Variants in ZNF704 observed in about 807,000 individuals in gnomAD.
ZNF704 encodes the protein zinc finger protein 704, also known as glucocorticoid induced gene 1.
A neutral mutation model predicts 44.7 loss-of-function variants in ZNF704; 10 were observed. The observed-to-expected ratio is 0.22, with a 90% CI of 0.14 to 0.38. ZNF704 has a LOEUF of 0.38. Ranked by LOEUF, ZNF704 falls within the 10% of genes least tolerant of loss-of-function variation. ZNF704 has a pLI of 1.00. For missense variants in ZNF704, 390 were observed against 545.5 expected (o/e 0.71, Z 2.84); for synonymous variants, 211 against 207.6 (o/e 1.02, Z -0.14).
intron 2 of ZNF704, among the ~76,000 whole-genome samples, chr8:80,701,407 C>T (rs77470009): frequency 0.016 from 2,489 of 151,920 alleles, 76 homozygotes; most frequent in African/African-American, 0.057. Context: ...AGAATTGAGG[C>T]CTCTAGGCAA....
intron 1 of ZNF704, among the ~76,000 whole-genome samples, chr8:80,864,104 A>G (rs1409154065): frequency 6.6e-6 from 1 of 152,222 alleles, no homozygotes; most frequent in Non-Finnish European, 1.5e-5. Flanking sequence ...AAAATTTACC[A>G]CAGGAAATAC....
chr8:80,832,176 A>G (rs1190402649), intron 1 of ZNF704, among the ~76,000 whole-genome samples: 1 of 152,210 alleles, frequency 6.6e-6, no homozygotes, highest in Non-Finnish European at 1.5e-5. Flanking sequence ...GAAGATAAAC[A>G]GTGTATATAT....
intron 2 of ZNF704, among the ~76,000 whole-genome samples, chr8:80,713,173 C>T (rs142741815): frequency 3.9e-5 from 6 of 152,222 alleles, no homozygotes; most frequent in East Asian, 1.9e-4. Context: ...AATTAAATGA[C>T]GTTAAAAAGA....
At chr8:80,769,227 T>A (rs745794256) in intron 2 of ZNF704, among the ~76,000 whole-genome samples, 1 of 152,222 alleles carries the variant, frequency 6.6e-6, no homozygotes, top group Non-Finnish European at 1.5e-5. Context: ...TTGGTGATTC[T>A]GCAGAGGCCC....
intron 2 of ZNF704, among the ~76,000 whole-genome samples, chr8:80,747,645 C>T (rs934783017): frequency 2.6e-5 from 4 of 151,948 alleles, no homozygotes; most frequent in Non-Finnish European, 5.9e-5. Context: ...ATTGCATCAG[C>T]AATTATGATG....
intron 1 of ZNF704, among the ~76,000 whole-genome samples, chr8:80,840,986 C>T (rs1808668500): frequency 6.6e-6 from 1 of 152,138 alleles, no homozygotes; most frequent in South Asian, 2.1e-4. Context: ...CTCCTAGAAG[C>T]CTGGAGAATC....
At chr8:80,878,089 G>T (rs1809379499), upstream of ZNF704, among the ~76,000 whole-genome samples, 1 of 152,176 alleles carries the variant, frequency 6.6e-6, no homozygotes, top group Non-Finnish European at 1.5e-5. Context: ...TGCTGCGGAA[G>T]AACGAGAGTA....
At chr8:80,824,896 G>C (rs964037467) in intron 1 of ZNF704, among the ~76,000 whole-genome samples, 3 of 152,112 alleles carry the variant, frequency 2.0e-5, no homozygotes, top group Non-Finnish European at 4.4e-5. Flanking sequence ...TCACCACCAG[G>C]CCTGCCCTAA....
chr8:80,868,012 C>T (rs750428872), intron 1 of ZNF704, among the ~76,000 whole-genome samples: 4 of 152,208 alleles, frequency 2.6e-5, no homozygotes, highest in Non-Finnish European at 5.9e-5. Flanking sequence ...GTTCTTATCC[C>T]TAAACTGTTG....
intron 2 of ZNF704, among the ~76,000 whole-genome samples, chr8:80,727,578 G>A (rs970053464): frequency 2.0e-5 from 3 of 152,000 alleles, no homozygotes; most frequent in Non-Finnish European, 4.4e-5. Flanking sequence ...CTTGTTTGGC[G>A]CAGGCAGGCA....
At chr8:80,725,844 T>TAA (rs1461511420) in intron 2 of ZNF704, among the ~76,000 whole-genome samples, 1 of 152,150 alleles carries the variant, frequency 6.6e-6, no homozygotes, top group Non-Finnish European at 1.5e-5. Flanking sequence ...TTCTAAAAAT[T>TAA]AAATATATAC....
intron 2 of ZNF704, among the ~76,000 whole-genome samples, chr8:80,777,989 G>A (rs1586020306): frequency 6.6e-6 from 1 of 151,334 alleles, no homozygotes; most frequent in Non-Finnish European, 1.5e-5. Context: ...TAACCACAAC[G>A]CCATTACTGT....
At chr8:80,678,968 C>T (rs1407389736) in intron 4 of ZNF704, among the ~76,000 whole-genome samples, 1 of 152,090 alleles carries the variant, frequency 6.6e-6, no homozygotes, top group East Asian at 1.9e-4. Context: ...TTCTGCCTGG[C>T]CACAGGTGGG....
At position 80,641,448 on chromosome 8, in the gene ZNF704, C is replaced by T. The variant is rs752885224; in HGVS notation, c.1157G>A (p.Arg386Gln). The T allele has an allele frequency of 1.9e-6, 3 of 1,613,508 alleles. No individual in the cohort carries two copies. Among genetic ancestry groups the T allele is most frequent in the East Asian group, 2.2e-5 (1 of 44,832 alleles). ...RKPRGEGKKCRKVYGMENRDM... is the reference protein window; with the variant it reads ...RKPRGEGKKCQKVYGMENRDM... ...TCGGTTCTCCATCCCGTACACCTTC[C>T]GACACTTTTTGCCCTCTCCCCTGGG... Residue 386 changes from arginine (R) to glutamine (Q), a missense_variant, in exon 9 of 9, where the codon CGG (arginine) becomes CAG (glutamine). Transcript: ENST00000327835.
chr8:80,865,156 G>A (rs1461365336), intron 1 of ZNF704, among the ~76,000 whole-genome samples: 4 of 152,134 alleles, frequency 2.6e-5, no homozygotes, highest in Non-Finnish European at 4.4e-5. Context: ...TTTGATCCTT[G>A]AGCACAGTTT....
At chr8:80,787,148 T>C (rs1046005654) in intron 2 of ZNF704, among the ~76,000 whole-genome samples, 1 of 152,238 alleles carries the variant, frequency 6.6e-6, no homozygotes, top group South Asian at 2.1e-4. Flanking sequence ...TTACATCTGC[T>C]GTACTCTATG....
At chr8:80,843,343 C>T (rs1808712438) in intron 1 of ZNF704, among the ~76,000 whole-genome samples, 1 of 152,202 alleles carries the variant, frequency 6.6e-6, no homozygotes, top group South Asian at 2.1e-4. Flanking sequence ...CCAAACAGTA[C>T]TTATCATAAG....
At chr8:80,653,688 A>G (rs1244883069) in intron 7 of ZNF704, among the ~76,000 whole-genome samples, 2 of 152,324 alleles carry the variant, frequency 1.3e-5, no homozygotes, top group East Asian at 3.9e-4. Flanking sequence ...ATGAAATAAA[A>G]GAGGATACAA....
intron 1 of ZNF704, among the ~76,000 whole-genome samples, chr8:80,830,560 A>T (rs1417373591): frequency 6.6e-6 from 1 of 152,016 alleles, no homozygotes; most frequent in Non-Finnish European, 1.5e-5. Context: ...TATCTGTATG[A>T]GTAGTAAGTT....
Sources: allele counts gnomAD v4.1 joint callset (sites outside exome capture counted in the v4.1 genomes callset), GRCh38; gene constraint gnomAD v4.1.1; transcripts MANE v1.5; gene names NCBI Gene and HGNC (gene_info 2026-07-23, HGNC 2026-07-21).